TNPO2: variants seen among roughly 807,000 people sequenced by gnomAD.
TNPO2 encodes transportin 2.
In TNPO2, 16 loss-of-function variants were observed where a neutral mutation model predicts 111.1. The ratio of observed to expected loss-of-function variants is 0.14; its 90% CI spans 0.10 to 0.22. The LOEUF (loss-of-function observed/expected upper bound fraction) is 0.22, where lower values mean the gene tolerates loss of function less well. Among genes scored for constraint, TNPO2 ranks in the 10% least tolerant of loss-of-function variants. The pLI is 1.00. For synonymous variants in TNPO2, 481 were observed against 475.8 expected (o/e 1.01, Z -0.14); for missense variants, 530 against 1,173.7 (o/e 0.45, Z 8.01).
chr19:12,718,585 G>A (rs774359257), intron 5 of TNPO2, among the ~76,000 whole-genome samples: 43 of 152,188 alleles, frequency 2.8e-4, no homozygotes, highest in South Asian at 2.1e-4. Context: ...GATTACAGGC[G>A]TGAGCCTATT....
Position 12,701,188 on chromosome 19 carries a change from C to T in TNPO2, c.*76G>A. The T allele has an allele frequency of 1.6e-6, 1 of 610,718 alleles. No homozygotes were observed. Among genetic ancestry groups the T allele is most frequent in the East Asian group, 2.8e-5 (1 of 35,714 alleles). The allele number at this position is 610,718 out of a possible 1,614,324, so 37.8% of individuals were successfully genotyped here. A position where few individuals can be genotyped will look rare whatever the true frequency, so the allele number is the denominator to read the frequency against. On this transcript the variant is annotated 3_prime_UTR_variant, in exon 26 of 26. Transcript: ENST00000425528. This position sits in a 1 kb window ranked among gnomAD's most constrained non-coding sequence, Gnocchi z 5.0. ...ACCCCCCTCAACCAGGGCACAGCGA[C>T]TTCCGGATGCAGCGCACTCCCCAGT...
At chr19:12,708,299 T>G (rs2025821968) in intron 13 of TNPO2, among the ~76,000 whole-genome samples, 1 of 151,790 alleles carries the variant, frequency 6.6e-6, no homozygotes, top group Non-Finnish European at 1.5e-5. Context: ...ACCTGGCTAA[T>G]TTTTGTATTT....
chr19:12,714,317 T>TA (rs904853084), intron 10 of TNPO2, among the ~76,000 whole-genome samples: 152 of 150,196 alleles, frequency 1.0e-3, no homozygotes, highest in African/African-American at 3.5e-3. Context: ...TTCATTTCTT[T>TA]TTTTTTTTTT....
chr19:12,716,135 C>G (rs1382312332), intron 5 of TNPO2, among the ~76,000 whole-genome samples: 1 of 152,324 alleles, frequency 6.6e-6, no homozygotes, highest in Non-Finnish European at 1.5e-5. Flanking sequence ...CCTCCAAAAG[C>G]ACTGAGATTA....
At chr19:12,718,746 A>T (rs999014952) in intron 5 of TNPO2, among the ~76,000 whole-genome samples, 1 of 152,154 alleles carries the variant, frequency 6.6e-6, no homozygotes, top group Non-Finnish European at 1.5e-5. Flanking sequence ...CGAACACAAA[A>T]TTCTAGATGT....
intron 13 of TNPO2, among the ~76,000 whole-genome samples, chr19:12,708,563 T>C (rs913729383): frequency 2.6e-5 from 4 of 152,092 alleles, no homozygotes; most frequent in Non-Finnish European, 5.9e-5. Context: ...TATAGATCTT[T>C]TTACCATAAA....
chr19:12,711,520 A>G lies in TNPO2; in HGVS notation c.951+33T>C, dbSNP rs2145553071. The G allele has an allele frequency of 5.6e-6, 9 of 1,613,842 alleles. No homozygotes were observed. In the East Asian group the frequency reaches 1.3e-4, roughly 24 times the overall value. On this transcript the variant is annotated intron_variant, in intron 11 of 25. Transcript: ENST00000425528. ...GACCACAGCCGCGACACCCACGCCCATGCCCACCCATGCTGGGTGGGCCCT... is the reference window on the plus strand; with the variant it reads ...GACCACAGCCGCGACACCCACGCCCGTGCCCACCCATGCTGGGTGGGCCCT...
chr19:12,711,397 T>C lies in TNPO2; in HGVS notation c.1016A>G (p.Lys339Arg), dbSNP rs1217325868. ...SEQDIKPRFH[K>R]SRTVTLPHEA... ...GTGGGGCAGTGTGACCGTGCGTGAC[T>C]TGTGGAAGCGTGGCTTGATGTCCTG... The change falls in exon 12 of 26, where the codon AAG becomes AGG. Residue 339 changes from lysine to arginine, a missense_variant. Physicochemically the swap from Lys to Arg is conservative, Grantham distance 26. Coordinates refer to ENST00000425528, the MANE Select transcript of TNPO2 (RefSeq NM_001382241.1). 1.4e-5 allele frequency: 23 copies of C among 1,613,880 alleles called. No individual in the cohort carries two copies. The highest frequency in any genetic ancestry group is 1.9e-5 in the Non-Finnish European group (23 of 1,179,898).
chr19:12,714,289 T>G (rs2026238620), intron 10 of TNPO2, among the ~76,000 whole-genome samples: 1 of 151,604 alleles, frequency 6.6e-6, no homozygotes, highest in Non-Finnish European at 1.5e-5. Flanking sequence ...GCCATACCCC[T>G]GAAGCCTTTG....
Position 12,702,386 on chromosome 19 carries a change from T to G in TNPO2, c.2306-209A>C, listed in dbSNP as rs1312318039. The G allele has an allele frequency of 7.3e-6, 5 of 681,124 alleles. No individual in the cohort carries two copies. In the East Asian group the frequency reaches 1.4e-4, roughly 19 times the overall value. 42.2% of individuals were successfully genotyped at this position (681,124 alleles called of 1,614,324 possible). ...CTTTCTTTCCTTTCCCTTTCCTTTTTGTTTTTTTTTGTTTTGTTTTGTTTT... is the reference window on the plus strand; with the variant it reads ...CTTTCTTTCCTTTCCCTTTCCTTTTGGTTTTTTTTTGTTTTGTTTTGTTTT... On this transcript the variant is annotated intron_variant, in intron 21 of 25. Transcript: ENST00000425528. This position sits in a 1 kb window ranked among gnomAD's most constrained non-coding sequence, Gnocchi z 5.5.
chr19:12,721,165 C>G lies in TNPO2; in HGVS notation c.-13-175G>C. The stretch of plus-strand genomic sequence containing the variant: ...GGGTCCCCGCCAGCTGCGCCATCCT[C>G]GGCCGCGCAGTCGCGGGCTCGGGAG... On this transcript the variant is annotated intron_variant, in intron 2 of 25. Transcript: ENST00000425528. This position sits in a 1 kb window ranked among gnomAD's most constrained non-coding sequence, Gnocchi z 4.9. 1 of 1,409,776 alleles carries G rather than the reference C, an allele frequency of 7.1e-7. No individual in the cohort carries two copies. The highest frequency in any genetic ancestry group is 9.2e-7 in the Non-Finnish European group (1 of 1,090,014). 87.3% of individuals were successfully genotyped at this position (1,409,776 alleles called of 1,614,324 possible). A position where few individuals can be genotyped will look rare whatever the true frequency, so the allele number is the denominator to read the frequency against.
In TNPO2 at chr19:12,719,534, G is replaced by A. The variant is rs886259091; in HGVS notation, c.100-198C>T. On this transcript the variant is annotated intron_variant, in intron 3 of 25. Coordinates refer to ENST00000425528, the MANE Select transcript of TNPO2 (RefSeq NM_001382241.1). The surrounding 1 kb of genome is among the most constrained non-coding windows in gnomAD (Gnocchi z 5.0). ...TAAGGGGCCGGGCGCGGTGGCTCAC[G>A]CCTGTAATCCCAGCACTTTTTGGGA... 4.6e-5 allele frequency among the ~76,000 whole-genome samples: 7 copies of A among 152,268 alleles called. No homozygotes were observed. The highest frequency in any genetic ancestry group is 2.1e-4 in the South Asian group (1 of 4,826).
intron 3 of TNPO2, among the ~76,000 whole-genome samples, chr19:12,720,279 A>G (rs1033597314): frequency 1.3e-5 from 2 of 152,054 alleles, no homozygotes; most frequent in Non-Finnish European, 2.9e-5. Flanking sequence ...TCGGCCTCCC[A>G]AAGTGCTGGG....
chr19:12,714,534 G>A (rs188116776), intron 10 of TNPO2, among the ~76,000 whole-genome samples: 3 of 152,034 alleles, frequency 2.0e-5, no homozygotes, highest in East Asian at 1.9e-4. Context: ...GGCTGGTCTC[G>A]ATCTTCTGAC....
rs2025602727 is a variant in TNPO2, at chr19:12,705,624, G to A, written c.1756-25C>T. The stretch of plus-strand genomic sequence containing the variant: ...ACTGGCAGGGAGGAAGGCAGGTGGG[G>A]AGAACTCAGGCAGGGTGGGCAGGAT... On this transcript the variant is annotated intron_variant, in intron 16 of 25. Coordinates refer to ENST00000425528, the MANE Select transcript of TNPO2 (RefSeq NM_001382241.1). This position sits in a 1 kb window ranked among gnomAD's most constrained non-coding sequence, Gnocchi z 7.2. 6.3e-7 allele frequency: 1 copy of A among 1,582,196 alleles called. No individual in the cohort carries two copies. The highest frequency in any genetic ancestry group is 1.3e-5 in the African/African-American group (1 of 74,410).
intron 5 of TNPO2, among the ~76,000 whole-genome samples, chr19:12,717,578 A>G (rs995776633): frequency 5.3e-5 from 8 of 151,892 alleles, no homozygotes; most frequent in Non-Finnish European, 1.2e-4. Context: ...AGCCTGGATC[A>G]GTAAGTTTCA....
At position 12,721,643 on chromosome 19, in the gene TNPO2, C is replaced by A; in HGVS notation, c.-13-653G>T. The A allele has an allele frequency of 3.7e-6, 1 of 269,166 alleles. No individual in the cohort carries two copies. Among genetic ancestry groups the A allele is most frequent in the South Asian group, 3.1e-5 (1 of 32,256 alleles). 16.7% of individuals were successfully genotyped at this position (269,166 alleles called of 1,614,324 possible). Reference sequence around the variant, plus strand: ...GCCTAGCCAAATTCTAAGGATTCCCCTTAATCAGGCCCAAAGCAGTCCCCA... The same window carrying A: ...GCCTAGCCAAATTCTAAGGATTCCCATTAATCAGGCCCAAAGCAGTCCCCA... On this transcript the variant is annotated intron_variant, in intron 2 of 25. Transcript: ENST00000425528. This position sits in a 1 kb window ranked among gnomAD's most constrained non-coding sequence, Gnocchi z 4.9.
rs1315496258 is a variant in TNPO2 at position 12,699,386 on chromosome 19, G to A, written c.*1878C>T. Reference sequence around the variant, plus strand: ...AGTCTGGGTCCACAGCCCTGGGTAGGGGAGAAGGTTGAGAAGCTGAAACTT... The same window carrying A: ...AGTCTGGGTCCACAGCCCTGGGTAGAGGAGAAGGTTGAGAAGCTGAAACTT... On this transcript the variant is annotated 3_prime_UTR_variant, in exon 26 of 26. Coordinates refer to ENST00000425528, the MANE Select transcript of TNPO2 (RefSeq NM_001382241.1). 1.0e-5 allele frequency: 2 copies of A among 193,654 alleles called. No homozygotes were observed. The highest frequency in any genetic ancestry group is 2.3e-5 in the Non-Finnish European group (2 of 86,974). The allele number at this position is 193,654 out of a possible 1,614,324, so 12.0% of individuals were successfully genotyped here. A position where few individuals can be genotyped will look rare whatever the true frequency, so the allele number is the denominator to read the frequency against.
intron 12 of TNPO2, 54 bp from the exon 13 acceptor site, chr19:12,710,827 C>T (rs1387359158): frequency 3.3e-6 from 5 of 1,529,808 alleles, no homozygotes; most frequent in Non-Finnish European, 4.4e-6. Flanking sequence ...GGCAGGTGGC[C>T]GACCCTCCTT....
Sources: allele counts gnomAD v4.1 joint callset (sites outside exome capture counted in the v4.1 genomes callset), GRCh38; gene constraint gnomAD v4.1.1; non-coding constraint Gnocchi (gnomAD v3.1); transcripts MANE v1.5; gene names NCBI Gene and HGNC (gene_info 2026-07-23, HGNC 2026-07-21).